The following CGGBP1 variants were observed in gnomAD, a reference collection of about 807,000 sequenced individuals.
CGGBP1 encodes the protein CGG triplet repeat binding protein 1, also known as CGG triplet repeat-binding protein 1.
A neutral mutation model predicts 11.4 loss-of-function variants in CGGBP1; 4 were observed. That is an observed-to-expected ratio of 0.35 (90% CI 0.17 to 0.80). The LOEUF is 0.80. CGGBP1 is among the 30% of genes least tolerant of loss of function. The pLI is 0.52. For missense variants in CGGBP1, 135 were observed against 202.1 expected, an observed-to-expected ratio of 0.67 and a Z score of 2.01; for synonymous variants, 76 against 74.1, an observed-to-expected ratio of 1.03 and a Z score of -0.13.
rs1425868971 is a variant in CGGBP1 at position 88,053,843 on chromosome 3, T to C, written c.*1630A>G. 1 of 152,642 alleles carries C rather than the reference T, an allele frequency of 6.6e-6. No individual in the cohort carries two copies. Among genetic ancestry groups the C allele is most frequent in the African/African-American group, 2.4e-5 (1 of 41,474 alleles). The allele number at this position is 152,642 out of a possible 1,614,324, so 9.5% of individuals were successfully genotyped here. On this transcript the variant is annotated 3_prime_UTR_variant, in exon 4 of 4. Transcript: ENST00000482016. ...TGTGCTTCATCAACGAGAGCACTAC[T>C]CTAGGCATGCATTTATCATACTACT...
chr3:88,132,007 A>G (rs778548719), intron 2 of CGGBP1, among the ~76,000 whole-genome samples: 2 of 152,118 alleles, frequency 1.3e-5, no homozygotes, highest in Non-Finnish European at 2.9e-5. Flanking sequence ...CTTCACAATC[A>G]TTAATAATAA....
At position 88,116,417 on chromosome 3, in the gene CGGBP1, G is replaced by A. The variant is rs564512141; in HGVS notation, c.-229+24553C>T. Among the ~76,000 whole-genome samples, 1,216 of 152,112 alleles carry A rather than the reference G, an allele frequency of 8.0e-3. 23 individuals carry two copies. Among genetic ancestry groups the A allele is most frequent in the African/African-American group, 0.028 (1,154 of 41,484 alleles). On this transcript the variant is annotated intron_variant, in intron 2 of 3. Transcript: ENST00000462901. ...TGCCTGTAATCCCAGCTACTTGGGA[G>A]GCTGAGGCAGGAGAATCGCTTGAAC... is the stretch of plus-strand genomic sequence containing the variant.
At chr3:88,129,163 A>G (rs1706288790) in intron 2 of CGGBP1, 1 of 587,130 alleles carries the variant, frequency 1.7e-6, no homozygotes, top group South Asian at 2.6e-5. Context: ...TTCTTTTGGC[A>G]CCATAACTTA....
At chr3:88,056,843 ATATT>A (rs772968189) in intron 3 of CGGBP1, 5 of 152,306 alleles carry the variant, frequency 3.3e-5, no homozygotes, top group East Asian at 3.9e-4. Flanking sequence ...CCAAATATTT[ATATT>A]TATTTAATCT....
intron 2 of CGGBP1, chr3:88,140,199 G>T (rs2107894274): frequency 1.2e-6 from 2 of 1,613,806 alleles, no homozygotes; most frequent in Middle Eastern, 1.7e-4. Flanking sequence ...GATATTTCAG[G>T]CTCAGTGTAG....
intron 2 of CGGBP1, among the ~76,000 whole-genome samples, chr3:88,069,553 A>C (rs1398157715): frequency 6.6e-6 from 1 of 152,220 alleles, no homozygotes; most frequent in African/African-American, 2.4e-5. Context: ...TTATAACTAC[A>C]CAAAACAGGA....
At chr3:88,107,423 T>C (rs1704810882) in intron 2 of CGGBP1, among the ~76,000 whole-genome samples, 1 of 152,218 alleles carries the variant, frequency 6.6e-6, no homozygotes, top group Non-Finnish European at 1.5e-5. Context: ...TCTCTGTTTA[T>C]CCACTGCTCT....
chr3:88,108,098 T>A (rs181080664), intron 2 of CGGBP1, among the ~76,000 whole-genome samples: 389 of 152,294 alleles, frequency 2.6e-3, no homozygotes, highest in African/African-American at 9.1e-3. Flanking sequence ...CTGGAGATAT[T>A]ACTAGCTTGG....
At chr3:88,081,140 C>T (rs1390491970) in intron 2 of CGGBP1, among the ~76,000 whole-genome samples, 2 of 151,996 alleles carry the variant, frequency 1.3e-5, no homozygotes, top group African/African-American at 4.8e-5. Flanking sequence ...TTTGTTTTCT[C>T]GTGATGGGAA....
chr3:88,143,934 C>T (rs1707242459), intron 1 of CGGBP1: 2 of 152,078 alleles, frequency 1.3e-5, no homozygotes, highest in Non-Finnish European at 3.0e-5. Flanking sequence ...GGTGCATAAA[C>T]TTCCAACAGT....
intron 2 of CGGBP1, chr3:88,126,275 T>C (rs780741381): frequency 3.9e-5 from 57 of 1,476,242 alleles, no homozygotes; most frequent in Non-Finnish European, 4.9e-5. Context: ...GATAGGTACT[T>C]CAGGAGATTC....
intron 2 of CGGBP1, among the ~76,000 whole-genome samples, chr3:88,084,332 T>C (rs916796439): frequency 2.2e-4 from 34 of 152,290 alleles, no homozygotes; most frequent in Admixed American, 4.6e-4. Flanking sequence ...AATGTGAGGC[T>C]GTCAGGTACC....
chr3:88,139,400 T>C lies in CGGBP1; in HGVS notation c.-229+1570A>G, dbSNP rs754963268. 16 of 1,613,804 alleles carry C rather than the reference T, an allele frequency of 9.9e-6. No homozygotes were observed. In the East Asian group the frequency reaches 1.8e-4, roughly 18 times the overall value. ...AAGGCAGTTTTGCATGTGTAATATG[T>C]GGTAGGAAATTTAGAAACAGAGGAC... On this transcript the variant is annotated intron_variant, in intron 2 of 3. Coordinates refer to the CGGBP1 transcript ENST00000462901.
intron 2 of CGGBP1, among the ~76,000 whole-genome samples, chr3:88,122,265 G>A (rs1428239116): frequency 6.6e-6 from 1 of 152,184 alleles, no homozygotes; most frequent in Non-Finnish European, 1.5e-5. Flanking sequence ...ATGTGGAAGA[G>A]ACCAGGCTGA....
At chr3:88,107,048 T>C (rs530087364) in intron 2 of CGGBP1, among the ~76,000 whole-genome samples, 1 of 152,354 alleles carries the variant, frequency 6.6e-6, no homozygotes, top group East Asian at 1.9e-4. Context: ...TCATTTCTCT[T>C]GTTTCATGTT....
At chr3:88,127,497 T>A (rs1478844660) in intron 2 of CGGBP1, among the ~76,000 whole-genome samples, 1 of 150,688 alleles carries the variant, frequency 6.6e-6, no homozygotes, top group East Asian at 1.9e-4. Context: ...AAGAGTTGGA[T>A]TACTGAAGAA....
intron 2 of CGGBP1, among the ~76,000 whole-genome samples, chr3:88,137,194 CAAA>C (rs11401199): frequency 2.8e-5 from 2 of 70,722 alleles, no homozygotes; most frequent in African/African-American, 6.4e-5. Context: ...GACTCTGTCT[CAAA>C]AAAAAAAAAA....
At chr3:88,133,573 A>C (rs1242239839) in intron 2 of CGGBP1, among the ~76,000 whole-genome samples, 1 of 148,838 alleles carries the variant, frequency 6.7e-6, no homozygotes, top group Non-Finnish European at 1.5e-5. Flanking sequence ...CTTAGGAATG[A>C]AGTACTTTCC....
chr3:88,098,635 G>A (rs1262709799), intron 2 of CGGBP1, among the ~76,000 whole-genome samples: 1 of 152,148 alleles, frequency 6.6e-6, no homozygotes, highest in Non-Finnish European at 1.5e-5. Flanking sequence ...TATCCACCAT[G>A]ATCAAGTGGG....
Sources: gnomAD v4.1 joint callset for allele counts (sites outside exome capture counted in the v4.1 genomes callset) on GRCh38, gnomAD v4.1.1 for gene constraint, MANE v1.5 for transcripts, NCBI Gene and HGNC (gene_info 2026-07-23, HGNC 2026-07-21) for gene names.